ZBTB38: variants seen among roughly 807,000 people sequenced by gnomAD.
ZBTB38 encodes the protein zinc finger and BTB domain containing 38, also known as zinc finger and BTB domain-containing protein 38.
ZBTB38 carries 20 observed loss-of-function variants against 76.8 expected under a neutral mutation model. The observed-to-expected ratio is 0.26, with a 90% CI of 0.18 to 0.38. The LOEUF (loss-of-function observed/expected upper bound fraction) is 0.38. Ranked by LOEUF, ZBTB38 falls within the 10% of genes least tolerant of loss-of-function variation. ZBTB38 has a pLI of 1.00. For missense variants in ZBTB38, 1,082 were observed against 1,482.3 expected (o/e 0.73, Z 4.43); for synonymous variants, 504 against 544.2 (o/e 0.93, Z 1.03).
chr3:141,369,219 G>A (rs1944186816), intron 1 of ZBTB38, among the ~76,000 whole-genome samples: 2 of 152,114 alleles, frequency 1.3e-5, no homozygotes, highest in East Asian at 1.9e-4. Flanking sequence ...AGGCAAATAC[G>A]TGTCCTGTGC....
At chr3:141,368,321 T>A (rs1018298007), upstream of ZBTB38, 4 of 152,736 alleles carry the variant, frequency 2.6e-5, no homozygotes, top group African/African-American at 7.2e-5. Context: ...GGCAGGAATG[T>A]TCTCCTGGCC....
At chr3:141,405,095 C>G (rs1953906336) in intron 5 of ZBTB38, among the ~76,000 whole-genome samples, 1 of 152,232 alleles carries the variant, frequency 6.6e-6, no homozygotes, top group Admixed American at 6.5e-5. Flanking sequence ...AAGGCCTTCT[C>G]TGAATTCATT....
chr3:141,335,048 C>T (rs547701891), intron 1 of ZBTB38, among the ~76,000 whole-genome samples: 3 of 152,248 alleles, frequency 2.0e-5, no homozygotes, highest in Non-Finnish European at 2.9e-5. Flanking sequence ...CCTCTGCTGC[C>T]GACACTACCG....
intron 1 of ZBTB38, among the ~76,000 whole-genome samples, chr3:141,346,782 T>TTGTGTGTGTG (rs56345431): frequency 0.073 from 10,480 of 144,544 alleles, 559 homozygotes; most frequent in African/African-American, 0.15. Flanking sequence ...TTGTTTTGTT[T>TTGTGTGTGTG]TGTGTGTGTG....
intron 4 of ZBTB38, among the ~76,000 whole-genome samples, chr3:141,398,813 A>G (rs567509256): frequency 6.6e-6 from 1 of 152,376 alleles, no homozygotes; most frequent in Admixed American, 6.5e-5. Context: ...ATAATTCCTT[A>G]ATAACATCAA....
chr3:141,331,725 G>T (rs555589218), intron 1 of ZBTB38, among the ~76,000 whole-genome samples: 6 of 152,306 alleles, frequency 3.9e-5, no homozygotes, highest in African/African-American at 1.2e-4. Context: ...CTGGGAGAGA[G>T]TTAAGGTGTT....
At chr3:141,326,829 G>A (rs1350837451) in intron 1 of ZBTB38, among the ~76,000 whole-genome samples, 1 of 152,126 alleles carries the variant, frequency 6.6e-6, no homozygotes, top group African/African-American at 2.4e-5. Flanking sequence ...TCTTGAGGGG[G>A]GTGGTGTCAT....
At chr3:141,346,331 C>A (rs1180201160) in intron 1 of ZBTB38, among the ~76,000 whole-genome samples, 1 of 152,186 alleles carries the variant, frequency 6.6e-6, no homozygotes, top group Non-Finnish European at 1.5e-5. Flanking sequence ...CTGTGAATAA[C>A]CTTGACGCTG....
chr3:141,370,943 A>T (rs1366829828), intron 2 of ZBTB38, among the ~76,000 whole-genome samples: 1 of 151,016 alleles, frequency 6.6e-6, no homozygotes, highest in East Asian at 2.0e-4. Context: ...ATCCTACAGG[A>T]TCTGCTCCAG....
Position 141,443,250 on chromosome 3 carries a change from T to G in ZBTB38, c.862T>G (p.Ser288Ala). 1.9e-6 allele frequency: 3 copies of G among 1,614,134 alleles called. No individual in the cohort carries two copies. The highest frequency in any genetic ancestry group is 2.5e-6 in the Non-Finnish European group (3 of 1,180,014). ...AGAAAATATACCACCCCCTCCAGTATCCAACTTAGAGGTTAATCAAGAAAG... is the reference window on the plus strand; with the variant it reads ...AGAAAATATACCACCCCCTCCAGTAGCCAACTTAGAGGTTAATCAAGAAAG... ...ATENIPPPPV[S>A]NLEVNQERSP... Residue 288 changes from serine (S) to alanine (A), a missense_variant, in exon 6 of 6, where the codon TCC becomes GCC. Ser to Ala is a moderately conservative substitution (Grantham distance 99, BLOSUM62 1). Transcript: ENST00000321464. The surrounding 1 kb of genome is among the most constrained non-coding windows in gnomAD (Gnocchi z 5.6).
intron 1 of ZBTB38, among the ~76,000 whole-genome samples, chr3:141,335,950 T>C (rs543636757): frequency 2.1e-4 from 32 of 152,338 alleles, no homozygotes; most frequent in African/African-American, 7.7e-4. Flanking sequence ...GAACCACAAG[T>C]GTCAAAGGGT....
chr3:141,367,975 G>A (rs1944034909), upstream of ZBTB38, among the ~76,000 whole-genome samples: 1 of 152,210 alleles, frequency 6.6e-6, no homozygotes, highest in Admixed American at 6.5e-5. Context: ...CCAGGGTAGG[G>A]AGCGAAGCCC....
rs903100217 is a variant in ZBTB38, at chr3:141,438,058, C to T, written c.1-4331C>T. ...TCCCGAGTAGCTGGGACTACAGGCG[C>T]ACGCCACTATGCCCAGCTGATTGAA... On this transcript the variant is annotated intron_variant, in intron 5 of 5. Coordinates refer to ENST00000321464, the MANE Select transcript of ZBTB38 (RefSeq NM_001376113.1). 1.6e-4 allele frequency among the ~76,000 whole-genome samples: 23 copies of T among 147,712 alleles called. No homozygotes were observed. The Admixed American group carries it at 1.6e-3, about 10-fold the overall frequency.
chr3:141,324,887 A>G (rs1942626029), intron 1 of ZBTB38, among the ~76,000 whole-genome samples: 1 of 152,252 alleles, frequency 6.6e-6, no homozygotes, highest in Non-Finnish European at 1.5e-5. Context: ...GAGTGTATTT[A>G]TAAAGATAAA....
At chr3:141,333,759 A>C (rs1942924466) in intron 1 of ZBTB38, among the ~76,000 whole-genome samples, 1 of 152,182 alleles carries the variant, frequency 6.6e-6, no homozygotes, top group Admixed American at 6.5e-5. Context: ...TTTGGAGCAC[A>C]CACTCACTGT....
At chr3:141,425,530 C>T (rs1005244378) in intron 5 of ZBTB38, among the ~76,000 whole-genome samples, 2 of 152,182 alleles carry the variant, frequency 1.3e-5, no homozygotes, top group African/African-American at 4.8e-5. Flanking sequence ...GAGAAATGGC[C>T]TTCTTCTGGC....
chr3:141,342,392 C>CAA (rs58284476), intron 1 of ZBTB38, among the ~76,000 whole-genome samples: 26,188 of 97,240 alleles, frequency 0.27, 3,259 homozygotes, highest in Non-Finnish European at 0.34. Context: ...GACTCTGTCT[C>CAA]AAAAAAAAAA....
At position 141,368,789 on chromosome 3, in the gene ZBTB38, GAGCCAGCGCC is replaced by G. The variant is rs1944096770; in HGVS notation, c.-324_-315del. The G allele has an allele frequency of 6.6e-6, 1 of 151,922 alleles. No individual in the cohort carries two copies. The highest frequency in any genetic ancestry group is 1.5e-5 in the Non-Finnish European group (1 of 67,990). The allele number at this position is 151,922 out of a possible 1,614,324, so 9.4% of individuals were successfully genotyped here. A position where few individuals can be genotyped will look rare whatever the true frequency, so the allele number is the denominator to read the frequency against. ...AGTTGACAGCGTCTGGGTTTCAGAGGAGCCAGCGCCTCCGAGTAAGTGAAGGCCCACTTTT... is the reference window on the plus strand; with the variant it reads ...AGTTGACAGCGTCTGGGTTTCAGAGGTCCGAGTAAGTGAAGGCCCACTTTT... On this transcript the variant is annotated 5_prime_UTR_variant, in exon 1 of 6. Transcript: ENST00000321464.
At chr3:141,368,863 A>G (rs1944113113) in intron 1 of ZBTB38, 59 bp downstream of exon 1, 1 of 151,974 alleles carries the variant, frequency 6.6e-6, no homozygotes, top group Non-Finnish European at 1.5e-5. Flanking sequence ...GTAGGGCGCC[A>G]TCTTGTTCCC....
Sources: allele counts gnomAD v4.1 joint callset (sites outside exome capture counted in the v4.1 genomes callset), GRCh38; gene constraint gnomAD v4.1.1; non-coding constraint Gnocchi (gnomAD v3.1); transcripts MANE v1.5; gene names NCBI Gene and HGNC (gene_info 2026-07-23, HGNC 2026-07-21).